Variants in CTPS2 observed in about 807,000 individuals in gnomAD.
CTPS2 encodes CTP synthase II.
A neutral mutation model predicts 46.8 loss-of-function variants in CTPS2; 19 were observed. The observed-to-expected ratio is 0.41, with a 90% CI of 0.28 to 0.60. CTPS2 has a LOEUF of 0.60. Among genes scored for constraint, CTPS2 ranks in the 20% least tolerant of loss-of-function variants. The pLI is 0.35. For missense variants in CTPS2, 286 were observed against 447.6 expected (o/e 0.64, Z 3.26); for synonymous variants, 151 against 165.2 (o/e 0.91, Z 0.66).
At chrX:16,698,556 G>T (rs749005631) in intron 3 of CTPS2, among the ~76,000 whole-genome samples, 1 of 104,867 alleles carries the variant, frequency 9.5e-6, no homozygotes. Flanking sequence ...GCTTTGTTTT[G>T]TTTTTTTTTT....
At chrX:16,707,249 C>T (rs1925098631) in intron 1 of CTPS2, among the ~76,000 whole-genome samples, 1 of 111,313 alleles carries the variant, frequency 9.0e-6, no homozygotes, top group Admixed American at 9.7e-5. Context: ...TGAGTGTGTA[C>T]AGGGGCCTTC....
At chrX:16,678,632 C>G (rs1426452832) in intron 9 of CTPS2, among the ~76,000 whole-genome samples, 182 bp from the exon 10 acceptor site, 1 of 111,291 alleles carries the variant, frequency 9.0e-6, no homozygotes. Context: ...AGAAAGATTA[C>G]AAAACCAGAT....
intron 13 of CTPS2, among the ~76,000 whole-genome samples, chrX:16,640,311 T>C (rs970846615): frequency 2.7e-5 from 3 of 111,281 alleles, no homozygotes; most frequent in African/African-American, 9.8e-5. Context: ...TCTCCTCCCA[T>C]TCCTCTGCCC....
intron 13 of CTPS2, among the ~76,000 whole-genome samples, chrX:16,647,907 C>T (rs947634286): frequency 1.8e-5 from 2 of 110,182 alleles, no homozygotes; most frequent in African/African-American, 6.6e-5. Flanking sequence ...CATGGCAAAA[C>T]CCATGTTGTA....
intron 17 of CTPS2, among the ~76,000 whole-genome samples, chrX:16,591,492 G>C (rs1928898502): frequency 9.0e-6 from 1 of 110,924 alleles, no homozygotes; most frequent in African/African-American, 3.3e-5. Flanking sequence ...CTTTGGCAAT[G>C]AGGGAGTTCA....
chrX:16,658,894 T>C (rs187644858), intron 13 of CTPS2, among the ~76,000 whole-genome samples: 28 of 112,484 alleles, frequency 2.5e-4, no homozygotes, highest in African/African-American at 7.1e-4. Context: ...CAGGTTTCGA[T>C]GTTGAGCATG....
At chrX:16,691,007 T>C (rs1316174122) in intron 7 of CTPS2, among the ~76,000 whole-genome samples, 1 of 112,526 alleles carries the variant, frequency 8.9e-6, no homozygotes, top group Non-Finnish European at 1.9e-5. Flanking sequence ...CTCTAGAGGT[T>C]TGACTGTGAG....
intron 17 of CTPS2, among the ~76,000 whole-genome samples, chrX:16,597,423 T>G (rs1929352528): frequency 8.9e-6 from 1 of 112,269 alleles, no homozygotes; most frequent in African/African-American, 3.2e-5. Context: ...GCTAGCCAGT[T>G]TTCCCAGCAC....
intron 9 of CTPS2, 98 bp downstream of exon 9, chrX:16,682,996 A>G (rs1472835678): frequency 1.1e-5 from 10 of 908,362 alleles, no homozygotes; most frequent in Non-Finnish European, 1.6e-5. Context: ...TAAGTCCTGC[A>G]GGTGATCTCA....
chrX:16,600,998 C>A (rs1389838095), intron 17 of CTPS2, among the ~76,000 whole-genome samples: 1 of 111,255 alleles, frequency 9.0e-6, no homozygotes, highest in Admixed American at 9.6e-5. Flanking sequence ...ACTCAATAAG[C>A]AGCAGACGCA....
In CTPS2 at chrX:16,702,819, T is replaced by C. The variant is rs2147382965; in HGVS notation, c.84A>G (p.Lys28=). The change falls in exon 2 of 19, where the codon AAA becomes AAG. Residue 28 remains lysine, a synonymous_variant. Coordinates refer to ENST00000359276, the MANE Select transcript of CTPS2 (RefSeq NM_175859.3). ...IIASSIGTIL[K]SCGLRVTAIK... ...TGGCAGTAACTCGGAGTCCACATGA[T>C]TTTAGAATCGTTCCAATGCTGCTGG... 8.3e-7 allele frequency: 1 copy of C among 1,210,117 alleles called. No homozygotes were observed. Among genetic ancestry groups the C allele is most frequent in the East Asian group, 3.0e-5 (1 of 33,817 alleles).
intron 4 of CTPS2, among the ~76,000 whole-genome samples, chrX:16,695,287 C>T (rs1426431861): frequency 9.0e-6 from 1 of 110,966 alleles, no homozygotes; most frequent in African/African-American, 3.3e-5. Flanking sequence ...ACGTGGTCAG[C>T]AGCGGTACTA....
chrX:16,601,903 TG>T (rs1929691881), intron 17 of CTPS2, among the ~76,000 whole-genome samples: 1 of 111,387 alleles, frequency 9.0e-6, no homozygotes, highest in South Asian at 3.8e-4. Context: ...CACAGCCAGC[TG>T]GGAAGTAAAA....
chrX:16,623,407 AG>A (rs750546265), intron 14 of CTPS2, among the ~76,000 whole-genome samples: 2 of 111,060 alleles, frequency 1.8e-5, no homozygotes, highest in South Asian at 7.6e-4. Flanking sequence ...CCTCCCTACC[AG>A]CCCCCCACTA....
chrX:16,662,921 C>T (rs1288290128), intron 13 of CTPS2, among the ~76,000 whole-genome samples: 1 of 110,979 alleles, frequency 9.0e-6, no homozygotes, highest in African/African-American at 3.3e-5. Flanking sequence ...CAGATGTGTT[C>T]GCGCGTGGGT....
chrX:16,696,700 T>C (rs1322548596), intron 4 of CTPS2, among the ~76,000 whole-genome samples: 2 of 110,920 alleles, frequency 1.8e-5, no homozygotes, highest in Non-Finnish European at 3.8e-5. Context: ...CGAGGCAACA[T>C]AGCGAGACCC....
intron 17 of CTPS2, among the ~76,000 whole-genome samples, chrX:16,593,344 G>A (rs1929029165): frequency 9.4e-6 from 1 of 106,678 alleles, no homozygotes; most frequent in Non-Finnish European, 1.9e-5. Flanking sequence ...CAGGAGAATG[G>A]CGTGAACCCG....
At position 16,650,920 on chromosome X, in the gene CTPS2, C is replaced by T; in HGVS notation, c.1297-11677G>A. ...ATGCCAAGGAAATGGCCCAATGGCACTAAAATCCTGCAGACAACCCTCAGC... is the reference window on the plus strand; with the variant it reads ...ATGCCAAGGAAATGGCCCAATGGCATTAAAATCCTGCAGACAACCCTCAGC... On this transcript the variant is annotated intron_variant, in intron 13 of 18. Transcript: ENST00000359276. The T allele has an allele frequency of 6.6e-6, 6 of 910,509 alleles. No individual in the cohort carries two copies. In the Middle Eastern group the frequency reaches 9.4e-4, roughly 142 times the overall value. The allele number at this position is 910,509 out of a possible 1,213,427, so 75.0% of individuals were successfully genotyped here. A position where few individuals can be genotyped will look rare whatever the true frequency, so the allele number is the denominator to read the frequency against.
At chrX:16,654,067 C>A (rs1221770997) in intron 13 of CTPS2, among the ~76,000 whole-genome samples, 1 of 112,055 alleles carries the variant, frequency 8.9e-6, no homozygotes, top group African/African-American at 3.2e-5. Context: ...CGTGGGCAAT[C>A]CAGTGAAGCC....
Sources: gnomAD v4.1 joint callset for allele counts (sites outside exome capture counted in the v4.1 genomes callset) on GRCh38, gnomAD v4.1.1 for gene constraint, MANE v1.5 for transcripts, NCBI Gene and HGNC (gene_info 2026-07-23, HGNC 2026-07-21) for gene names.